The following NDUFS2 variants were observed in gnomAD, a reference collection of about 807,000 sequenced individuals.
NDUFS2 encodes the protein NADH dehydrogenase [ubiquinone] iron-sulfur protein 2, mitochondrial.
NDUFS2 carries 38 observed loss-of-function variants against 69.6 expected under a neutral mutation model. The ratio of observed to expected loss-of-function variants is 0.55; its 90% CI spans 0.42 to 0.72. The LOEUF is 0.72. NDUFS2 is among the 30% of genes least tolerant of loss of function. The pLI is 0.00. For missense variants in NDUFS2, 468 were observed against 595.0 expected (o/e 0.79, Z 2.22); for synonymous variants, 194 against 211.2 (o/e 0.92, Z 0.70).
chr1:161,198,542 A>G (rs749092194), upstream of NDUFS2: 1 of 1,565,938 alleles, frequency 6.4e-7, no homozygotes, highest in South Asian at 1.2e-5. This position sits in a 1 kb window ranked among gnomAD's most constrained non-coding sequence, Gnocchi z 4.7. Context: ...GGAGAGCGGC[A>G]CAATGGGGAG....
At chr1:161,213,056 C>G (rs1053629037) in intron 10 of NDUFS2, 5 of 348,948 alleles carry the variant, frequency 1.4e-5, no homozygotes, top group African/African-American at 8.6e-5. Context: ...AGGCACCCAC[C>G]ACCACGCCCA....
intron 2 of NDUFS2, among the ~76,000 whole-genome samples, chr1:161,205,714 G>A (rs755231854): frequency 1.3e-5 from 2 of 151,376 alleles, no homozygotes; most frequent in Non-Finnish European, 2.9e-5. Flanking sequence ...ATTGCAGTGA[G>A]CCGAGATGGT....
intron 3 of NDUFS2, among the ~76,000 whole-genome samples, chr1:161,207,158 G>T (rs1340734121): frequency 1.3e-5 from 2 of 152,186 alleles, no homozygotes; most frequent in Non-Finnish European, 2.9e-5. Context: ...CATGAAGAAA[G>T]GTCCTGATAA....
chr1:161,197,879 A>G, upstream of NDUFS2: 1 of 1,438,652 alleles, frequency 7.0e-7, no homozygotes, highest in South Asian at 1.5e-5. Context: ...AGGCAGGCAG[A>G]AGGGAGGGAA....
At chr1:161,213,787 G>A in intron 12 of NDUFS2, 55 bp downstream of exon 12, 1 of 1,611,068 alleles carries the variant, frequency 6.2e-7, no homozygotes, top group Non-Finnish European at 8.5e-7. Context: ...GACCTTGGTT[G>A]AGGTTTTTAT....
At position 161,214,218 on chromosome 1, in the gene NDUFS2, C is replaced by G. The variant is rs369905394; in HGVS notation, c.*25C>G. 4.4e-6 allele frequency: 7 copies of G among 1,599,000 alleles called. No individual in the cohort carries two copies. The highest frequency in any genetic ancestry group is 6.0e-6 in the Non-Finnish European group (7 of 1,166,732). ...AGCAGGGGAGCAGCGTTTGATCCCC[C>G]CTGCCTATCAGCTTCTTCTGTGGAG... On this transcript the variant is annotated 3_prime_UTR_variant, in exon 14 of 14. Transcript: ENST00000676972.
chr1:161,210,635 A>C lies in NDUFS2; in HGVS notation c.911A>C (p.Lys304Thr), dbSNP rs149901957. The change falls in exon 9 of 14, where the codon AAG becomes ACG. Residue 304 changes from lysine to threonine, a missense_variant. Lys to Thr is a moderately conservative substitution (Grantham distance 78, BLOSUM62 -1). This residue lies in a region of NDUFS2 where 339 missense variants were observed against 433.8 expected (regional missense o/e 0.78). Coordinates refer to ENST00000676972, the MANE Select transcript of NDUFS2 (RefSeq NM_001377299.1). ...RGSGIQWDLR[K>T]TQPYDVYDQV... is the part of the protein sequence containing the mutation. ...TCAGGCATCCAGTGGGACCTGCGGA[A>C]GACCCAGCCCTATGATGTTTACGAC... 17 of 1,614,050 alleles carry C rather than the reference A, an allele frequency of 1.1e-5. No individual in the cohort carries two copies. The African/African-American group carries it at 2.3e-4, about 22-fold the overall frequency.
At chr1:161,212,551 A>G (rs1571621645) in intron 10 of NDUFS2, 71 bp downstream of exon 10, 1 of 1,571,976 alleles carries the variant, frequency 6.4e-7, no homozygotes, top group Non-Finnish European at 8.6e-7. Context: ...GTATCCTTGG[A>G]TTAAATCCTA....
intron 11 of NDUFS2, 61 bp downstream of exon 11, chr1:161,213,536 T>A (rs1251898624): frequency 1.3e-6 from 2 of 1,540,536 alleles, no homozygotes; most frequent in Non-Finnish European, 9.0e-7. Flanking sequence ...GATAGATGTT[T>A]AACAAATAGC....
At position 161,206,544 on chromosome 1, in the gene NDUFS2, G is replaced by A. The variant is rs1227074754; in HGVS notation, c.340G>A (p.Gly114Arg). ...EMVRKCDPHIGLLHRGTEKLI... is the reference protein window; with the variant it reads ...EMVRKCDPHIRLLHRGTEKLI... ...GGTGCGGAAGTGTGATCCTCACATC[G>A]GGCTCCTGCACCGAGGCACTGAGAA... Residue 114 changes from glycine to arginine, a missense_variant, in exon 3 of 14, where the codon GGG becomes AGG. Around this residue, in one of 3 missense-constraint regions of NDUFS2, gnomAD observed 339 missense variants for 433.8 expected, o/e 0.78. Transcript: ENST00000676972. The A allele has an allele frequency of 6.2e-7, 1 of 1,614,158 alleles. No homozygotes were observed. Among genetic ancestry groups the A allele is most frequent in the Non-Finnish European group, 8.5e-7 (1 of 1,180,038 alleles).
chr1:161,207,240 A>G (rs1388238173), intron 3 of NDUFS2, among the ~76,000 whole-genome samples: 2 of 152,324 alleles, frequency 1.3e-5, no homozygotes, highest in East Asian at 1.9e-4. Context: ...TGATTCCCCA[A>G]GAGAGCCTCG....
intron 6 of NDUFS2, 78 bp from the exon 7 acceptor site, chr1:161,210,033 C>T (rs1161240954): frequency 3.8e-6 from 6 of 1,589,118 alleles, no homozygotes; most frequent in Non-Finnish European, 5.2e-6. Context: ...ACCTGTATCG[C>T]TGGGGGAGGG....
Position 161,209,938 on chromosome 1 carries a change from A to C in NDUFS2, c.702+7A>C. On this transcript the variant is annotated splice_region_variant and intron_variant, in intron 6 of 13. Transcript: ENST00000676972. Reference sequence around the variant, plus strand: ...GCCAGGAGGAGTGCACCAGGTGAGCAGGTCCCCGGCTTCCCCAAATGTCCA... The same window carrying C: ...GCCAGGAGGAGTGCACCAGGTGAGCCGGTCCCCGGCTTCCCCAAATGTCCA... 1 of 1,613,960 alleles carries C rather than the reference A, an allele frequency of 6.2e-7. No individual in the cohort carries two copies. The highest frequency in any genetic ancestry group is 8.5e-7 in the Non-Finnish European group (1 of 1,179,966).
At chr1:161,213,818 A>G (rs1328876913) in intron 12 of NDUFS2, 46 bp from the exon 13 acceptor site, 3 of 1,612,328 alleles carry the variant, frequency 1.9e-6, no homozygotes, top group Non-Finnish European at 2.5e-6. Flanking sequence ...TTCTCCTCCC[A>G]CCTTGCAAGT....
upstream of NDUFS2, among the ~76,000 whole-genome samples, chr1:161,201,496 A>C (rs1366121193): frequency 6.6e-6 from 1 of 152,236 alleles, no homozygotes; most frequent in African/African-American, 2.4e-5. Flanking sequence ...GGCTGGAAGA[A>C]TCTTTGTCCA....
rs377100925 is a variant in NDUFS2, at chr1:161,202,489, G to C, written c.95+9G>C. On this transcript the variant is annotated intron_variant, in intron 1 of 13. Coordinates refer to ENST00000676972, the MANE Select transcript of NDUFS2 (RefSeq NM_001377299.1). ...CCGATTCAGCCCAGCAGGTGAGATC[G>C]AGGGCAGCTCTCGACACACTTTCTC... 160 of 1,607,406 alleles carry C rather than the reference G, an allele frequency of 1.0e-4. 2 individuals carry two copies. In the Middle Eastern group the frequency reaches 5.5e-3, roughly 55 times the overall value.
intron 5 of NDUFS2, 70 bp from the exon 6 acceptor site, chr1:161,209,787 G>A: frequency 6.5e-7 from 1 of 1,529,136 alleles, no homozygotes; most frequent in Non-Finnish European, 9.0e-7. Context: ...GGCAGAAAGT[G>A]GGGGAGTAGG....
chr1:161,207,307 C>T (rs1665521069), intron 3 of NDUFS2, among the ~76,000 whole-genome samples: 1 of 152,168 alleles, frequency 6.6e-6, no homozygotes, highest in African/African-American at 2.4e-5. Context: ...CATTAGCCCC[C>T]GTCACAGTGA....
chr1:161,202,991 A>G (rs1309217377), intron 1 of NDUFS2, among the ~76,000 whole-genome samples: 1 of 152,130 alleles, frequency 6.6e-6, no homozygotes, highest in Non-Finnish European at 1.5e-5. Flanking sequence ...TTAACTTCAG[A>G]TCAGTGACTT....
Sources: gnomAD v4.1 joint callset for allele counts (sites outside exome capture counted in the v4.1 genomes callset) on GRCh38, gnomAD v4.1.1 for gene constraint, gnomAD v4.1.1 regional missense constraint, Gnocchi (gnomAD v3.1) non-coding constraint, MANE v1.5 for transcripts, NCBI Gene and HGNC (gene_info 2026-07-23, HGNC 2026-07-21) for gene names.